The following INVS variants were observed in gnomAD, a reference collection of about 807,000 sequenced individuals.
The protein encoded by INVS is inversin.
Under a neutral mutation model 108.8 loss-of-function variants are expected in INVS, and 86 were observed. The observed-to-expected ratio is 0.79, with a 90% CI of 0.66 to 0.95. INVS has a LOEUF of 0.95. Among genes scored for constraint, INVS ranks in the 40% least tolerant of loss-of-function variants. The probability of loss-of-function intolerance (pLI) is 0.00; values close to 1 mark genes in which losing one functional copy is unlikely to be tolerated. For synonymous variants in INVS, 455 were observed against 473.5 expected (o/e 0.96, Z 0.51); for missense variants, 1,169 against 1,297.4 (o/e 0.90, Z 1.52).
chr9:100,140,119 G>A lies in INVS; in HGVS notation c.273+13570G>A, dbSNP rs113986300. Among the ~76,000 whole-genome samples, 32 of 152,260 alleles carry A rather than the reference G, an allele frequency of 2.1e-4. 1 individual carries two copies. Among genetic ancestry groups the A allele is most frequent in the African/African-American group, 7.2e-4 (30 of 41,554 alleles). On this transcript the variant is annotated intron_variant, in intron 3 of 16. Coordinates refer to ENST00000262457, the MANE Select transcript of INVS (RefSeq NM_014425.5). ...CCTAGCCCCTGGCAACCACCAGTATGCATTCTGTTTCTATGGATTTATAGA... is the reference window on the plus strand; with the variant it reads ...CCTAGCCCCTGGCAACCACCAGTATACATTCTGTTTCTATGGATTTATAGA...
chr9:100,162,375 C>T (rs931751915), intron 3 of INVS, among the ~76,000 whole-genome samples: 1 of 152,154 alleles, frequency 6.6e-6, no homozygotes, highest in Non-Finnish European at 1.5e-5. Flanking sequence ...CTCAGTGGCT[C>T]AATGATATTA....
At chr9:100,286,302 C>T (rs1480243169) in intron 13 of INVS, among the ~76,000 whole-genome samples, 1 of 152,026 alleles carries the variant, frequency 6.6e-6, no homozygotes, top group African/African-American at 2.4e-5. Flanking sequence ...ACCTATAATC[C>T]CAACACTTTG....
intron 3 of INVS, among the ~76,000 whole-genome samples, chr9:100,178,288 T>C (rs1829777783): frequency 6.6e-6 from 1 of 152,188 alleles, no homozygotes; most frequent in Non-Finnish European, 1.5e-5. Context: ...GTTTGATGAA[T>C]TGACAGAAGT....
intron 8 of INVS, among the ~76,000 whole-genome samples, chr9:100,252,004 T>A (rs1832253681): frequency 6.6e-6 from 1 of 152,044 alleles, no homozygotes. Context: ...AAGAGAAAAC[T>A]AGTAGCTGAG....
At chr9:100,182,722 G>A (rs1015330188) in intron 3 of INVS, among the ~76,000 whole-genome samples, 8 of 152,078 alleles carry the variant, frequency 5.3e-5, no homozygotes, top group Non-Finnish European at 8.8e-5. Flanking sequence ...ACAGTGTGGC[G>A]ATTCCTCAAG....
chr9:100,181,048 T>C (rs1214664612), intron 3 of INVS, among the ~76,000 whole-genome samples: 1 of 152,176 alleles, frequency 6.6e-6, no homozygotes, highest in South Asian at 2.1e-4. Context: ...TCTCAATAGA[T>C]GCAGAAAAGG....
chr9:100,178,702 A>G (rs11793448), intron 3 of INVS, among the ~76,000 whole-genome samples: 29,365 of 152,126 alleles, frequency 0.19, 4,525 homozygotes, highest in African/African-American at 0.43. Flanking sequence ...ATGGAACCAA[A>G]TTGGAAAACA....
At chr9:100,299,585 CACA>C (rs1833895636) in intron 16 of INVS, among the ~76,000 whole-genome samples, 2 of 94,146 alleles carry the variant, frequency 2.1e-5, no homozygotes, top group African/African-American at 4.6e-5. Flanking sequence ...CACACACACA[CACA>C]CAGCCTTGCA....
At chr9:100,271,139 T>G (rs933642954) in intron 11 of INVS, among the ~76,000 whole-genome samples, 10 of 152,216 alleles carry the variant, frequency 6.6e-5, no homozygotes, top group African/African-American at 2.4e-4. Context: ...ACAGCTAGTT[T>G]TCCTCCCCCA....
intron 3 of INVS, chr9:100,175,893 A>C: frequency 1.7e-6 from 1 of 598,448 alleles, no homozygotes; most frequent in Admixed American, 1.9e-5. Context: ...CAAGTCCTGC[A>C]TGCGGTTCCA....
intron 3 of INVS, among the ~76,000 whole-genome samples, chr9:100,193,386 G>T (rs1052302919): frequency 6.6e-6 from 1 of 152,008 alleles, no homozygotes; most frequent in African/African-American, 2.4e-5. Context: ...CCATTTTTGA[G>T]TATACTATTC....
At position 100,150,755 on chromosome 9, in the gene INVS, T is replaced by C. The variant is rs146984520; in HGVS notation, c.273+24206T>C. ...ATGATTATTATTCCTATAGTGTGAA[T>C]ATTGTCAACACTTGGGCACGACATT... On this transcript the variant is annotated intron_variant, in intron 3 of 16. Transcript: ENST00000262457. 3.3e-4 allele frequency among the ~76,000 whole-genome samples: 51 copies of C among 152,298 alleles called. No homozygotes were observed. In the East Asian group the frequency reaches 9.7e-3, roughly 29 times the overall value.
intron 3 of INVS, among the ~76,000 whole-genome samples, chr9:100,165,909 G>C (rs1387946344): frequency 2.0e-5 from 3 of 152,050 alleles, no homozygotes; most frequent in Non-Finnish European, 4.4e-5. Flanking sequence ...AAAGTATTTG[G>C]AGAACACAAT....
At chr9:100,131,375 G>T (rs1828050290) in intron 3 of INVS, among the ~76,000 whole-genome samples, 1 of 152,088 alleles carries the variant, frequency 6.6e-6, no homozygotes, top group Non-Finnish European at 1.5e-5. Context: ...GCTTGGCTTA[G>T]TTATTTTGGC....
At chr9:100,162,714 G>T (rs1458033342) in intron 3 of INVS, among the ~76,000 whole-genome samples, 1 of 152,000 alleles carries the variant, frequency 6.6e-6, no homozygotes, top group Non-Finnish European at 1.5e-5. Context: ...AGTAATCCCA[G>T]CTACTCAGGA....
intron 3 of INVS, among the ~76,000 whole-genome samples, chr9:100,184,748 A>G (rs2119084436): frequency 6.6e-6 from 1 of 152,266 alleles, no homozygotes; most frequent in South Asian, 2.1e-4. Flanking sequence ...GAGCACTCAA[A>G]GAGATCTTTC....
chr9:100,155,037 A>G (rs1828929083), intron 3 of INVS, among the ~76,000 whole-genome samples: 1 of 152,058 alleles, frequency 6.6e-6, no homozygotes, highest in Non-Finnish European at 1.5e-5. Context: ...ACATGGTGAA[A>G]CCCCATCTCT....
chr9:100,270,785 G>A (rs1832929706), intron 11 of INVS, among the ~76,000 whole-genome samples: 2 of 148,694 alleles, frequency 1.3e-5, no homozygotes, highest in African/African-American at 5.0e-5. Flanking sequence ...AGCCAGCCTT[G>A]GTGGTACATG....
At chr9:100,219,954 C>T (rs541425216) in intron 3 of INVS, among the ~76,000 whole-genome samples, 1 of 151,956 alleles carries the variant, frequency 6.6e-6, no homozygotes, top group East Asian at 1.9e-4. Context: ...ACACCCAATT[C>T]AGGATAGTAG....
Sources: gnomAD v4.1 joint callset for allele counts (sites outside exome capture counted in the v4.1 genomes callset) on GRCh38, gnomAD v4.1.1 for gene constraint, MANE v1.5 for transcripts, NCBI Gene and HGNC (gene_info 2026-07-23, HGNC 2026-07-21) for gene names.